ATRNL1: variants seen among roughly 807,000 people sequenced by gnomAD.
The protein encoded by ATRNL1 is attractin like 1, also known as attractin-like protein 1.
A neutral mutation model predicts 182.7 loss-of-function variants in ATRNL1; 95 were observed. The observed-to-expected ratio is 0.52, with a 90% confidence interval of 0.44 to 0.62. The LOEUF (loss-of-function observed/expected upper bound fraction) is 0.62. Among genes scored for constraint, ATRNL1 ranks in the 20% least tolerant of loss-of-function variants. The pLI, the probability that ATRNL1 is intolerant of heterozygous loss-of-function variation, is 0.00. For missense variants in ATRNL1, 1,471 were observed against 1,679.5 expected (o/e 0.88, Z 2.17); for synonymous variants, 576 against 568.3 (o/e 1.01, Z -0.19).
At chr10:115,139,512 A>T (rs1434178716) in intron 5 of ATRNL1, among the ~76,000 whole-genome samples, 2 of 152,200 alleles carry the variant, frequency 1.3e-5, no homozygotes, top group African/African-American at 4.8e-5. Context: ...AAGATTGTGC[A>T]GGTAAACTCC....
At chr10:115,527,137 C>A (rs541111845) in intron 25 of ATRNL1, among the ~76,000 whole-genome samples, 15 of 137,782 alleles carry the variant, frequency 1.1e-4, no homozygotes, top group Admixed American at 5.1e-4. Flanking sequence ...TTTTCCCCCC[C>A]GAGATAGGGT....
At chr10:115,733,896 A>G (rs902051316) in intron 27 of ATRNL1, among the ~76,000 whole-genome samples, 1 of 152,148 alleles carries the variant, frequency 6.6e-6, no homozygotes, top group Non-Finnish European at 1.5e-5. Context: ...CCCATTACCC[A>G]TAAATATTCA....
At chr10:115,292,222 T>G (rs1037018185) in intron 15 of ATRNL1, among the ~76,000 whole-genome samples, 1 of 151,992 alleles carries the variant, frequency 6.6e-6, no homozygotes, top group Non-Finnish European at 1.5e-5. Context: ...ACTTCTGATT[T>G]TATTTATCTG....
At chr10:115,558,239 A>C (rs1381810138) in intron 26 of ATRNL1, among the ~76,000 whole-genome samples, 1 of 152,176 alleles carries the variant, frequency 6.6e-6, no homozygotes, top group African/African-American at 2.4e-5. Flanking sequence ...TGCAGCAAAG[A>C]AGCAGCAAAA....
At chr10:115,618,549 G>T (rs1857556728) in intron 26 of ATRNL1, among the ~76,000 whole-genome samples, 2 of 149,820 alleles carry the variant, frequency 1.3e-5, no homozygotes, top group South Asian at 2.1e-4. Flanking sequence ...TTTTCAGACT[G>T]GTTTATTTCA....
chr10:115,809,739 A>C (rs782418325), intron 27 of ATRNL1, among the ~76,000 whole-genome samples: 1 of 152,028 alleles, frequency 6.6e-6, no homozygotes, highest in Non-Finnish European at 1.5e-5. Flanking sequence ...TCATCTTCAA[A>C]TAAACACAAT....
intron 24 of ATRNL1, among the ~76,000 whole-genome samples, chr10:115,519,006 T>C (rs1292376512): frequency 6.6e-6 from 1 of 151,996 alleles, no homozygotes; most frequent in Non-Finnish European, 1.5e-5. Flanking sequence ...CATGAAACTC[T>C]TAGCGTGCAT....
intron 21 of ATRNL1, among the ~76,000 whole-genome samples, chr10:115,429,860 G>A (rs191783436): frequency 7.2e-5 from 11 of 152,228 alleles, no homozygotes; most frequent in African/African-American, 2.4e-4. Context: ...GAGGTCAGGA[G>A]ATCGAGACCA....
intron 17 of ATRNL1, among the ~76,000 whole-genome samples, chr10:115,303,109 C>G (rs1254436972): frequency 7.6e-6 from 1 of 131,826 alleles, no homozygotes; most frequent in African/African-American, 3.0e-5. Flanking sequence ...TGTAATTAAT[C>G]CAGACTTTAT....
chr10:115,251,754 C>A (rs563072361), intron 10 of ATRNL1, among the ~76,000 whole-genome samples: 12 of 152,238 alleles, frequency 7.9e-5, no homozygotes, highest in African/African-American at 2.6e-4. Context: ...TATGGCAGTT[C>A]CGGCATTTTG....
chr10:115,133,013 A>G lies in ATRNL1; in HGVS notation c.829+3478A>G, dbSNP rs970194388. On this transcript the variant is annotated intron_variant, in intron 5 of 28. Transcript: ENST00000355044. ...AGACATGAAGTCCTTGCCCATGCCTATGTCCTGAATGGTATTGCCTAGGTT... is the reference window on the plus strand; with the variant it reads ...AGACATGAAGTCCTTGCCCATGCCTGTGTCCTGAATGGTATTGCCTAGGTT... Among the ~76,000 whole-genome samples, 6 of 152,210 alleles carry G rather than the reference A, an allele frequency of 3.9e-5. No homozygotes were observed. The East Asian group carries it at 5.8e-4, about 15-fold the overall frequency.
chr10:115,336,999 G>A (rs1173826721), intron 19 of ATRNL1, among the ~76,000 whole-genome samples: 3 of 149,358 alleles, frequency 2.0e-5, no homozygotes, highest in Admixed American at 2.0e-4. Context: ...GACTACAGGG[G>A]CCCGCCACCA....
intron 27 of ATRNL1, among the ~76,000 whole-genome samples, chr10:115,794,520 T>C (rs571574540): frequency 4.2e-4 from 64 of 152,308 alleles, no homozygotes; most frequent in Admixed American, 7.8e-4. Context: ...TTCACAGTCT[T>C]TCCTTGACTT....
At chr10:115,333,913 A>C (rs1855356312) in intron 18 of ATRNL1, among the ~76,000 whole-genome samples, 1 of 152,220 alleles carries the variant, frequency 6.6e-6, no homozygotes, top group Non-Finnish European at 1.5e-5. Context: ...GATGAATTTT[A>C]GCATTCTTTA....
Position 115,268,442 on chromosome 10 carries a change from A to G in ATRNL1, c.2098A>G (p.Met700Val), listed in dbSNP as rs782175957. ...KCISANSNCSMSVKNYTKCHV... is the reference protein window; with the variant it reads ...KCISANSNCSVSVKNYTKCHV... ...CATTTCGGCAAATAGTAACTGCAGT[A>G]TGGTTAGTATTTATGGGTAAATGGT... The change falls in exon 13 of 29, where the codon ATG (methionine) becomes GTG (valine). Residue 700 changes from methionine to valine, a missense_variant and splice_region_variant. By Grantham distance (21) the Met-to-Val change is conservative (BLOSUM62 1). Transcript: ENST00000355044. The G allele has an allele frequency of 1.9e-6, 3 of 1,582,998 alleles. No homozygotes were observed. The highest frequency in any genetic ancestry group is 3.3e-5 in the Admixed American group (2 of 59,876).
chr10:115,515,515 A>C (rs535266620), intron 24 of ATRNL1, among the ~76,000 whole-genome samples: 36 of 151,882 alleles, frequency 2.4e-4, no homozygotes, highest in African/African-American at 8.4e-4. Context: ...TTTTATTGGA[A>C]TATGTTAATG....
chr10:115,385,387 T>G (rs565017518), intron 19 of ATRNL1, among the ~76,000 whole-genome samples: 117 of 152,244 alleles, frequency 7.7e-4, no homozygotes, highest in Admixed American at 1.4e-3. Context: ...TCAGATCTTT[T>G]GTCCACTTTT....
chr10:115,868,950 C>T (rs1314271996), intron 28 of ATRNL1, among the ~76,000 whole-genome samples: 20 of 151,030 alleles, frequency 1.3e-4, no homozygotes, highest in Admixed American at 5.3e-4. Context: ...CTGCCTCAGC[C>T]GCCCGAGTAG....
intron 17 of ATRNL1, 145 bp downstream of exon 17, chr10:115,302,188 G>T: frequency 2.8e-6 from 2 of 714,382 alleles, no homozygotes; most frequent in Non-Finnish European, 4.5e-6. Flanking sequence ...AACTGGTACT[G>T]TTAACCTCTG....
Sources: gnomAD v4.1 joint callset for allele counts (sites outside exome capture counted in the v4.1 genomes callset) on GRCh38, gnomAD v4.1.1 for gene constraint, MANE v1.5 for transcripts, NCBI Gene and HGNC (gene_info 2026-07-23, HGNC 2026-07-21) for gene names.